SYT7: variants seen among roughly 807,000 people sequenced by gnomAD.
The protein encoded by SYT7 is synaptotagmin 7, also known as synaptotagmin-7.
Under a neutral mutation model 75.1 loss-of-function variants are expected in SYT7, and 29 were observed. That is an observed-to-expected ratio of 0.39 (90% CI 0.29 to 0.53). The LOEUF is 0.53. Ranked by LOEUF, SYT7 falls within the 20% of genes least tolerant of loss-of-function variation. The pLI is 0.77. For synonymous variants in SYT7, 376 were observed against 401.7 expected (o/e 0.94, Z 0.76); for missense variants, 693 against 953.2 (o/e 0.73, Z 3.59).
chr11:61,559,706 T>C (rs2063589870), intron 1 of SYT7, among the ~76,000 whole-genome samples: 1 of 152,090 alleles, frequency 6.6e-6, no homozygotes, highest in South Asian at 2.1e-4. Flanking sequence ...CTCCCTCCTT[T>C]TTTGTCAAAC....
rs375140012 is a variant in SYT7 at position 61,518,711 on chromosome 11, G to A, written c.1977C>T (p.Ser659=). 4.3e-5 allele frequency: 66 copies of A among 1,547,032 alleles called. No individual in the cohort carries two copies. Among genetic ancestry groups the A allele is most frequent in the Middle Eastern group, 3.3e-4 (2 of 5,986 alleles). ...TCCAGTGCTTCACCTCCCCTGGCCCGCTCTTCCAGGACAGGTAGATCTGGG... is the reference window on the plus strand; with the variant it reads ...TCCAGTGCTTCACCTCCCCTGGCCCACTCTTCCAGGACAGGTAGATCTGGG... ...VIGKIYLSWK[S]GPGEVKHWKD... is the part of the protein sequence containing the mutation. Residue 659 remains serine, a synonymous_variant, in exon 13 of 13, where the codon AGC becomes AGT. Coordinates refer to ENST00000539008, the MANE Select transcript of SYT7 (RefSeq NM_001365809.2).
chr11:61,558,338 A>C (rs2063547608), intron 1 of SYT7, among the ~76,000 whole-genome samples: 1 of 152,036 alleles, frequency 6.6e-6, no homozygotes, highest in Non-Finnish European at 1.5e-5. Flanking sequence ...ACTCCCAGCT[A>C]CTTGGGAGGC....
intron 1 of SYT7, among the ~76,000 whole-genome samples, chr11:61,564,343 C>T (rs994247580): frequency 2.6e-5 from 4 of 152,214 alleles, no homozygotes; most frequent in African/African-American, 9.7e-5. Context: ...ACTGCTTCTG[C>T]TCCTGGAGGC....
chr11:61,557,201 G>A (rs1590920083), intron 1 of SYT7, among the ~76,000 whole-genome samples: 4 of 152,328 alleles, frequency 2.6e-5, no homozygotes, highest in African/African-American at 9.6e-5. Context: ...CTCATGTGGG[G>A]CAGTGAGTGG....
At chr11:61,587,154 A>G in the SYT7 span, among the ~76,000 whole-genome samples, 339 of 152,278 alleles carry the variant, frequency 2.2e-3, 7 homozygotes, top group South Asian at 0.067. Flanking sequence ...CAGGCCAGTC[A>G]GCTCCAGCCT....
chr11:61,534,586 G>A (rs781764905), intron 7 of SYT7, among the ~76,000 whole-genome samples: 11 of 152,218 alleles, frequency 7.2e-5, no homozygotes, highest in African/African-American at 1.7e-4. Flanking sequence ...GCGATGGCAC[G>A]CAGGGATCCC....
chr11:61,520,080 T>C (rs1370532101), intron 12 of SYT7, among the ~76,000 whole-genome samples: 1 of 130,670 alleles, frequency 7.7e-6, no homozygotes, highest in East Asian at 1.9e-4. Context: ...GGTCTCACAC[T>C]CCTGACCTCG....
Position 61,517,801 on chromosome 11 carries a change from A to C in SYT7, c.*826T>G. ...AAGAGATGAAATTGCTGAGGAGGGAACTACTTCAGATTCTGAGCAGAGGGG... is the reference window on the plus strand; with the variant it reads ...AAGAGATGAAATTGCTGAGGAGGGACCTACTTCAGATTCTGAGCAGAGGGG... On this transcript the variant is annotated 3_prime_UTR_variant, in exon 13 of 13. Coordinates refer to ENST00000539008, the MANE Select transcript of SYT7 (RefSeq NM_001365809.2). The C allele has an allele frequency of 3.6e-6, 1 of 277,732 alleles. No homozygotes were observed. Among genetic ancestry groups the C allele is most frequent in the Non-Finnish European group, 6.6e-6 (1 of 150,806 alleles). 17.2% of individuals were successfully genotyped at this position (277,732 alleles called of 1,614,324 possible).
At chr11:61,549,227 T>A (rs2063279181) in intron 3 of SYT7, among the ~76,000 whole-genome samples, 1 of 152,134 alleles carries the variant, frequency 6.6e-6, no homozygotes, top group South Asian at 2.1e-4. Context: ...CCACCCTGTG[T>A]TCTGAAGAGC....
At chr11:61,540,067 T>C (rs2062997030) in intron 6 of SYT7, 1 of 152,210 alleles carries the variant, frequency 6.6e-6, no homozygotes, top group African/African-American at 2.4e-5. Flanking sequence ...TTTTCAGATA[T>C]TCCTTTTTCT....
At chr11:61,541,480 G>T (rs1000983957) in intron 6 of SYT7, among the ~76,000 whole-genome samples, 7 of 152,146 alleles carry the variant, frequency 4.6e-5, no homozygotes, top group Admixed American at 6.5e-5. Context: ...AATGGTTAAG[G>T]TTAGACACTG....
rs372510554 is a variant in SYT7 at position 61,528,194 on chromosome 11, G to T, written c.1201-9C>A. On this transcript the variant is annotated splice_polypyrimidine_tract_variant and intron_variant, in intron 8 of 12. Coordinates refer to ENST00000539008, the MANE Select transcript of SYT7 (RefSeq NM_001365809.2). Reference sequence around the variant, plus strand: ...TCGGAGCCTGGGGAGAGCTGGGGGTGGGGGAGAGGCCGGCAGGGTTTGGGG... The same window carrying T: ...TCGGAGCCTGGGGAGAGCTGGGGGTTGGGGAGAGGCCGGCAGGGTTTGGGG... The T allele has an allele frequency of 1.2e-5, 19 of 1,609,300 alleles. No individual in the cohort carries two copies. Among genetic ancestry groups the T allele is most frequent in the African/African-American group, 2.7e-5 (2 of 75,000 alleles).
At position 61,517,847 on chromosome 11, in the gene SYT7, A is replaced by C. The variant is rs1264340170; in HGVS notation, c.*780T>G. 28 of 205,984 alleles carry C rather than the reference A, an allele frequency of 1.4e-4. No individual in the cohort carries two copies. The highest frequency in any genetic ancestry group is 2.1e-4 in the Non-Finnish European group (22 of 105,810). 12.8% of individuals were successfully genotyped at this position (205,984 alleles called of 1,614,324 possible). ...AGGGGGGCACCAAGGGGAGAAGGGG[A>C]GGAGACGGGGGGATGGCAGGAGGCA... On this transcript the variant is annotated 3_prime_UTR_variant, in exon 13 of 13. Transcript: ENST00000539008.
At chr11:61,565,589 T>C (rs1450494001) in intron 1 of SYT7, among the ~76,000 whole-genome samples, 3 of 152,000 alleles carry the variant, frequency 2.0e-5, no homozygotes. Flanking sequence ...CAAATTGAGA[T>C]AGGCGAGAAG....
intron 9 of SYT7, among the ~76,000 whole-genome samples, chr11:61,527,243 AGT>A (rs2062548859): frequency 6.6e-6 from 1 of 152,174 alleles, no homozygotes; most frequent in Admixed American, 6.5e-5. Context: ...CAACAGATGG[AGT>A]GTGTTTAACA....
chr11:61,585,516 C>G (rs1590982251), upstream of SYT7, among the ~76,000 whole-genome samples: 1 of 152,138 alleles, frequency 6.6e-6, no homozygotes, highest in Non-Finnish European at 1.5e-5. Flanking sequence ...TCTCCTACCC[C>G]CTAGACTTCC....
intron 3 of SYT7, among the ~76,000 whole-genome samples, chr11:61,548,977 G>A (rs1025853777): frequency 1.3e-5 from 2 of 152,160 alleles, no homozygotes; most frequent in Non-Finnish European, 2.9e-5. Context: ...GAGGAGGCAG[G>A]ACAGGCCCCA....
Position 61,518,196 on chromosome 11 carries a change from C to T in SYT7, c.*431G>A. The T allele has an allele frequency of 6.2e-6, 1 of 162,278 alleles. No individual in the cohort carries two copies. Among genetic ancestry groups the T allele is most frequent in the Non-Finnish European group, 1.3e-5 (1 of 74,864 alleles). 10.1% of individuals were successfully genotyped at this position (162,278 alleles called of 1,614,324 possible). On this transcript the variant is annotated 3_prime_UTR_variant, in exon 13 of 13. Transcript: ENST00000539008. The stretch of plus-strand genomic sequence containing the variant: ...TGGGCCTCTCCTGGCCAGGCCGGGG[C>T]CAAACGCCTCAGCCTCCCCTCCCCG...
In SYT7 at chr11:61,542,576, G is replaced by A. The variant is rs751193248; in HGVS notation, c.576C>T (p.Phe192=). ...LAAGKLNLSN[F]EDSTLSTATT... is the part of the protein sequence containing the mutation. ...TGGCCGTGGACAGGGTGGAGTCCTC[G>A]AAACTTGGGGCAGGTGGAGGAGAGG... Residue 192 remains phenylalanine (F), a synonymous_variant, in exon 6 of 13, where the codon TTC becomes TTT. Coordinates refer to ENST00000539008, the MANE Select transcript of SYT7 (RefSeq NM_001365809.2). The surrounding 1 kb of genome is among the most constrained non-coding windows in gnomAD (Gnocchi z 7.8). 1.5e-5 allele frequency: 23 copies of A among 1,493,014 alleles called. No homozygotes were observed. The highest frequency in any genetic ancestry group is 1.1e-4 in the South Asian group (9 of 78,466). 92.5% of individuals were successfully genotyped at this position (1,493,014 alleles called of 1,614,324 possible).
Sources: allele counts gnomAD v4.1 joint callset (sites outside exome capture counted in the v4.1 genomes callset), GRCh38; gene constraint gnomAD v4.1.1; non-coding constraint Gnocchi (gnomAD v3.1); transcripts MANE v1.5; gene names NCBI Gene and HGNC (gene_info 2026-07-23, HGNC 2026-07-21).